KLHL2: variants seen among roughly 807,000 people sequenced by gnomAD.
The protein encoded by KLHL2 is kelch-like protein 2.
Under a neutral mutation model 75.8 loss-of-function variants are expected in KLHL2, and 15 were observed. The observed-to-expected ratio is 0.20, with a 90% CI of 0.13 to 0.30. KLHL2 has a LOEUF of 0.30. Among genes scored for constraint, KLHL2 ranks in the 10% least tolerant of loss-of-function variants. The pLI, the probability that KLHL2 is intolerant of heterozygous loss-of-function variation, is 1.00. For synonymous variants in KLHL2, 214 were observed against 251.9 expected (o/e 0.85, Z 1.42); for missense variants, 381 against 741.0 (o/e 0.51, Z 5.64).
At chr4:165,252,573 T>C (rs1339367721) in intron 4 of KLHL2, 7 of 152,264 alleles carry the variant, frequency 4.6e-5, no homozygotes, top group Admixed American at 6.5e-5. Context: ...ATGAAAACTT[T>C]ATTTCTAGCT....
intron 8 of KLHL2, among the ~76,000 whole-genome samples, chr4:165,305,137 T>A (rs6811088): frequency 1.9e-3 from 287 of 152,296 alleles, no homozygotes; most frequent in African/African-American, 6.5e-3. Context: ...CAATATTTTT[T>A]TTCCTTCTTC....
chr4:165,290,335 A>C (rs553861142), intron 5 of KLHL2, among the ~76,000 whole-genome samples: 10 of 151,888 alleles, frequency 6.6e-5, no homozygotes, highest in Non-Finnish European at 1.5e-4. Flanking sequence ...GTGTTTTACT[A>C]TGTTGGCCAG....
At position 165,314,089 on chromosome 4, in the gene KLHL2, A is replaced by G; in HGVS notation, c.1532A>G (p.Lys511Arg). 2.5e-6 allele frequency: 4 copies of G among 1,613,816 alleles called. No homozygotes were observed. The highest frequency in any genetic ancestry group is 3.4e-6 in the Non-Finnish European group (4 of 1,179,770). ...GGTCATGATGGCCCTTTAGTACGAA[A>G]AAGTGTTGAAGTATATGATCCCACC... ...VGGHDGPLVR[K>R]SVEVYDPTTN... Residue 511 changes from lysine to arginine, a missense_variant, in exon 13 of 15, where the codon AAA becomes AGA. Physicochemically the swap from Lys to Arg is conservative, Grantham distance 26. Coordinates refer to ENST00000226725, the MANE Select transcript of KLHL2 (RefSeq NM_007246.4).
chr4:165,314,148 A>G lies in KLHL2; in HGVS notation c.1591A>G (p.Met531Val). Residue 531 changes from methionine (M) to valine (V), a missense_variant, in exon 13 of 15, where the codon ATG (methionine) becomes GTG (valine). Around this residue, in one of 5 missense-constraint regions of KLHL2, gnomAD observed 168 missense variants for 370.4 expected, o/e 0.45. Transcript: ENST00000226725. ...NAWRQVADMN[M>V]CRRNAGVCAV... Reference sequence around the variant, plus strand: ...ATGGAGACAGGTTGCAGATATGAACATGTGCAGAAGAAATGCAGGTATCTG... The same window carrying G: ...ATGGAGACAGGTTGCAGATATGAACGTGTGCAGAAGAAATGCAGGTATCTG... 6.2e-7 allele frequency: 1 copy of G among 1,612,920 alleles called. No individual in the cohort carries two copies. The highest frequency in any genetic ancestry group is 1.1e-5 in the South Asian group (1 of 90,768).
Position 165,250,928 on chromosome 4 carries a change from A to G in KLHL2, c.381+12029A>G, listed in dbSNP as rs904511740. Among the ~76,000 whole-genome samples the G allele has an allele frequency of 6.9e-4, 105 of 152,230 alleles. 1 individual carries two copies. The highest frequency in any genetic ancestry group is 5.9e-4 in the Admixed American group (9 of 15,282). On this transcript the variant is annotated intron_variant, in intron 4 of 14. Coordinates refer to ENST00000226725, the MANE Select transcript of KLHL2 (RefSeq NM_007246.4). ...ACCACACTCGGGTGATTGTAGTACCATGCTAAATCTTTGATTTAGAATCAC... is the reference window on the plus strand; with the variant it reads ...ACCACACTCGGGTGATTGTAGTACCGTGCTAAATCTTTGATTTAGAATCAC...
At chr4:165,281,968 C>A (rs1464506628) in intron 5 of KLHL2, among the ~76,000 whole-genome samples, 2 of 152,096 alleles carry the variant, frequency 1.3e-5, no homozygotes, top group African/African-American at 2.4e-5. Flanking sequence ...TATTCAGTGG[C>A]CAGTGGTGAA....
At chr4:165,253,404 A>G (rs1019708450) in intron 4 of KLHL2, among the ~76,000 whole-genome samples, 10 of 152,190 alleles carry the variant, frequency 6.6e-5, no homozygotes, top group Admixed American at 1.3e-4. Flanking sequence ...TGTGCAAATA[A>G]TCATTAATAT....
Position 165,311,811 on chromosome 4 carries a change from G to C in KLHL2, c.1339+246G>C, listed in dbSNP as rs35743700. Among the ~76,000 whole-genome samples the C allele has an allele frequency of 8.4e-3, 652 of 78,076 alleles. 1 individual carries two copies. The highest frequency in any genetic ancestry group is 0.022 in the African/African-American group (148 of 6,770). The allele number at this position is 78,076 out of a possible 152,430, so 51.2% of individuals were successfully genotyped here. On this transcript the variant is annotated intron_variant, in intron 11 of 14. Transcript: ENST00000226725. Reference sequence around the variant, plus strand: ...CCTTTATCCCTCCTCCTTTCTCTCTGTGTGTGTGTGTGTGTGTGTGTGTGT... The same window carrying C: ...CCTTTATCCCTCCTCCTTTCTCTCTCTGTGTGTGTGTGTGTGTGTGTGTGT...
intron 5 of KLHL2, among the ~76,000 whole-genome samples, chr4:165,285,345 A>C (rs769633463): frequency 6.6e-6 from 1 of 152,078 alleles, no homozygotes; most frequent in African/African-American, 2.4e-5. Flanking sequence ...GGGAAAGGGT[A>C]GTTACTTAAT....
intron 3 of KLHL2, among the ~76,000 whole-genome samples, chr4:165,229,923 C>T (rs1738747269): frequency 6.6e-6 from 1 of 152,206 alleles, no homozygotes; most frequent in Non-Finnish European, 1.5e-5. Context: ...GTGAGGAGAC[C>T]AGAGCCCCGC....
chr4:165,212,888 G>T (rs1391462340), intron 1 of KLHL2, among the ~76,000 whole-genome samples: 2 of 152,162 alleles, frequency 1.3e-5, no homozygotes, highest in East Asian at 3.9e-4. Flanking sequence ...TTGAGCTCTA[G>T]CTCCATCTAT....
chr4:165,262,254 A>G (rs1664993264), intron 4 of KLHL2, among the ~76,000 whole-genome samples: 1 of 152,224 alleles, frequency 6.6e-6, no homozygotes. Context: ...AATGCAAATT[A>G]AAAAGTTATT....
intron 2 of KLHL2, among the ~76,000 whole-genome samples, chr4:165,223,713 T>C (rs3914265): frequency 6.6e-6 from 1 of 152,108 alleles, no homozygotes; most frequent in Non-Finnish European, 1.5e-5. Flanking sequence ...TGTGAAAGGA[T>C]GGCTTTTAGG....
intron 5 of KLHL2, among the ~76,000 whole-genome samples, chr4:165,272,942 A>G (rs957566703): frequency 9.9e-5 from 15 of 152,202 alleles, no homozygotes; most frequent in African/African-American, 2.9e-4. Context: ...TTAATGCACT[A>G]TATTTTGCAT....
chr4:165,307,918 C>T (rs1301756763), intron 9 of KLHL2, among the ~76,000 whole-genome samples: 1 of 152,062 alleles, frequency 6.6e-6, no homozygotes, highest in Admixed American at 6.5e-5. Flanking sequence ...GTCAGTTGTC[C>T]AAATACCCCT....
At chr4:165,247,422 G>GT (rs1173753272) in intron 4 of KLHL2, among the ~76,000 whole-genome samples, 1 of 152,004 alleles carries the variant, frequency 6.6e-6, no homozygotes. Context: ...GTTTTTGTTT[G>GT]TTTGTTTTGT....
rs775413898 is a variant in KLHL2, at chr4:165,297,686, T to C, written c.732T>C (p.His244=). ...AGTTTATGGCCCGACTGATGGAACA[T>C]GTACGGTTACCTTTGCTTCCTCGGG... ...RQEFMARLME[H]VRLPLLPREY... The change falls in exon 7 of 15, where the codon CAT becomes CAC. Residue 244 remains histidine (H), a synonymous_variant. Transcript: ENST00000226725. The C allele has an allele frequency of 3.1e-6, 5 of 1,613,708 alleles. No individual in the cohort carries two copies. Among genetic ancestry groups the C allele is most frequent in the African/African-American group, 2.7e-5 (2 of 74,916 alleles).
intron 14 of KLHL2, 81 bp downstream of exon 14, chr4:165,318,050 A>T: frequency 1.5e-6 from 2 of 1,297,328 alleles, no homozygotes; most frequent in South Asian, 1.3e-5. Flanking sequence ...TTTTTCTGTT[A>T]TAAGAATAAA....
intron 5 of KLHL2, among the ~76,000 whole-genome samples, chr4:165,284,246 CT>C (rs1257443081): frequency 2.6e-5 from 4 of 152,182 alleles, no homozygotes; most frequent in Admixed American, 2.6e-4. Context: ...ATGGGATTTT[CT>C]TTTCTATTGT....
Sources: allele counts gnomAD v4.1 joint callset (sites outside exome capture counted in the v4.1 genomes callset), GRCh38; gene constraint gnomAD v4.1.1; regional missense constraint gnomAD v4.1.1; transcripts MANE v1.5; gene names NCBI Gene and HGNC (gene_info 2026-07-23, HGNC 2026-07-21).